ZFHX3: variants seen among roughly 807,000 people sequenced by gnomAD.
ZFHX3 encodes the protein zinc finger homeobox protein 3.
A neutral mutation model predicts 279.1 loss-of-function variants in ZFHX3; 42 were observed. The observed-to-expected ratio is 0.15, with a 90% CI of 0.12 to 0.19. The LOEUF is 0.19. ZFHX3 is among the 10% of genes least tolerant of loss of function. The pLI, the probability that ZFHX3 is intolerant of heterozygous loss-of-function variation, is 1.00. For missense variants in ZFHX3, 4,981 were observed against 4,754.0 expected (o/e 1.05, Z -1.40); for synonymous variants, 2,293 against 1,957.8 (o/e 1.17, Z -4.52).
At chr16:73,765,829 T>C (rs1567402916) in intron 1 of ZFHX3, among the ~76,000 whole-genome samples, 1 of 152,214 alleles carries the variant, frequency 6.6e-6, no homozygotes, top group East Asian at 1.9e-4. Flanking sequence ...TGGAGATGTA[T>C]GTTCTGAAAC....
chr16:73,651,639 A>ATCCT (rs1473033919), intron 2 of ZFHX3, among the ~76,000 whole-genome samples: 1 of 143,362 alleles, frequency 7.0e-6, no homozygotes, highest in African/African-American at 2.6e-5. Context: ...GATCGAGACC[A>ATCCT]TCCTGGCTAA....
intron 2 of ZFHX3, among the ~76,000 whole-genome samples, chr16:73,595,033 T>C (rs2052034894): frequency 1.3e-5 from 2 of 152,286 alleles, no homozygotes; most frequent in South Asian, 4.1e-4. Flanking sequence ...CCCTTGAGGA[T>C]GAGTAACATG....
intron 7 of ZFHX3, among the ~76,000 whole-genome samples, chr16:73,128,522 C>G (rs1567395968): frequency 1.3e-5 from 2 of 152,136 alleles, no homozygotes; most frequent in Admixed American, 6.5e-5. Flanking sequence ...CTCCAGAGCA[C>G]TTTTTCTTAA....
rs993367506 is a variant in ZFHX3 at position 73,821,045 on chromosome 16, C to T, written c.-1608+70606G>A. 3.9e-5 allele frequency among the ~76,000 whole-genome samples: 6 copies of T among 152,158 alleles called. 1 individual carries two copies. The highest frequency in any genetic ancestry group is 8.8e-5 in the Non-Finnish European group (6 of 68,036). On this transcript the variant is annotated intron_variant, in intron 1 of 17. Coordinates refer to the ZFHX3 transcript ENST00000641206. ...ACTGAGGTCTAGAGAGCGTGAGTCT[C>T]CTTGCCAAGGCAACACAGTCAGGGG...
intron 1 of ZFHX3, among the ~76,000 whole-genome samples, chr16:73,863,156 A>C (rs2142391853): frequency 6.6e-6 from 1 of 152,266 alleles, no homozygotes; most frequent in African/African-American, 2.4e-5. Context: ...CAGTGAGCGG[A>C]GATCGTGCCA....
rs372026184 is a variant in ZFHX3 at position 72,889,872 on chromosome 16, G to A, written c.3307C>T (p.Leu1103Phe). 1.9e-6 allele frequency: 3 copies of A among 1,614,080 alleles called. No homozygotes were observed. Among genetic ancestry groups the A allele is most frequent in the African/African-American group, 2.7e-5 (2 of 74,952 alleles). Residue 1103 changes from leucine (L) to phenylalanine (F), a missense_variant, in exon 4 of 10, where the codon CTC (leucine) becomes TTC (phenylalanine). By Grantham distance (22) the Leu-to-Phe change is conservative. Transcript: ENST00000268489. ...TTCATGGAGCGCACATGCTGGATGA[G>A]GTTGAGCTTGGCCTTGGTGGAGTAG... ...CNYSTKAKLN[L>F]IQHVRSMKHQ...
At chr16:73,878,601 G>A (rs2030031228) in intron 1 of ZFHX3, among the ~76,000 whole-genome samples, 1 of 151,686 alleles carries the variant, frequency 6.6e-6, no homozygotes, top group African/African-American at 2.4e-5. Flanking sequence ...TTTGATATAG[G>A]GATATTAAAT....
At chr16:73,279,931 A>G (rs1424952696) in intron 4 of ZFHX3, among the ~76,000 whole-genome samples, 3 of 152,232 alleles carry the variant, frequency 2.0e-5, no homozygotes, top group Non-Finnish European at 4.4e-5. Flanking sequence ...TACATAGACT[A>G]ATGGAGCAGA....
chr16:73,802,189 C>T (rs1042509041), intron 1 of ZFHX3, among the ~76,000 whole-genome samples: 1 of 151,898 alleles, frequency 6.6e-6, no homozygotes, highest in Non-Finnish European at 1.5e-5. Context: ...GTTGATTCTT[C>T]ATAAAACCCC....
chr16:73,473,208 G>A (rs761903225), intron 2 of ZFHX3, among the ~76,000 whole-genome samples: 13 of 151,612 alleles, frequency 8.6e-5, no homozygotes, highest in Non-Finnish European at 1.6e-4. Context: ...GTGATGGTGT[G>A]TGTCTGTGGT....
intron 2 of ZFHX3, among the ~76,000 whole-genome samples, chr16:73,518,768 C>G (rs1440774547): frequency 6.6e-6 from 1 of 152,178 alleles, no homozygotes; most frequent in Non-Finnish European, 1.5e-5. Context: ...TGCCGTATTG[C>G]CTGCATTCAT....
intron 2 of ZFHX3, among the ~76,000 whole-genome samples, chr16:73,537,884 A>G (rs192066203): frequency 1.2e-3 from 178 of 152,390 alleles, no homozygotes; most frequent in African/African-American, 4.0e-3. Flanking sequence ...CAAGCCACAA[A>G]GTAGTATCTT....
In ZFHX3 at chr16:73,564,873, T is replaced by C. The variant is rs574320884; in HGVS notation, c.-1546-108615A>G. Among the ~76,000 whole-genome samples, 3 of 152,366 alleles carry C rather than the reference T, an allele frequency of 2.0e-5. No individual in the cohort carries two copies. The East Asian group carries it at 5.8e-4, about 29-fold the overall frequency. Reference sequence around the variant, plus strand: ...CTATGCAATGTATTTAACTTTGAGGTGTCTCTTTGTTCTCTTAGGAAAAAA... The same window carrying C: ...CTATGCAATGTATTTAACTTTGAGGCGTCTCTTTGTTCTCTTAGGAAAAAA... On this transcript the variant is annotated intron_variant, in intron 2 of 17. Coordinates refer to the ZFHX3 transcript ENST00000641206.
chr16:72,799,400 T>C (rs1158319502), intron 8 of ZFHX3, among the ~76,000 whole-genome samples: 3 of 152,144 alleles, frequency 2.0e-5, no homozygotes, highest in Non-Finnish European at 2.9e-5. Flanking sequence ...CATTGTCTAA[T>C]ATGGAAAACT....
chr16:72,883,005 T>C (rs1442704244), intron 4 of ZFHX3, among the ~76,000 whole-genome samples: 3 of 140,302 alleles, frequency 2.1e-5, no homozygotes, highest in South Asian at 2.4e-4. Flanking sequence ...TGTGTGTGTG[T>C]GTGTGTGTGT....
intron 3 of ZFHX3, among the ~76,000 whole-genome samples, chr16:73,319,594 G>A (rs530683392): frequency 2.6e-5 from 4 of 151,804 alleles, no homozygotes; most frequent in Non-Finnish European, 5.9e-5. Flanking sequence ...CCACCAATAC[G>A]TGTGATCATC....
intron 2 of ZFHX3, among the ~76,000 whole-genome samples, chr16:73,528,937 G>C (rs966050915): frequency 1.3e-5 from 2 of 152,190 alleles, no homozygotes; most frequent in African/African-American, 4.8e-5. Flanking sequence ...CTTCTGAATT[G>C]AGAACAGCCT....
chr16:73,747,120 G>C (rs1428635883), intron 1 of ZFHX3, among the ~76,000 whole-genome samples: 1 of 152,148 alleles, frequency 6.6e-6, no homozygotes, highest in East Asian at 1.9e-4. Context: ...TGAGTGCAAG[G>C]GCTCACACTT....
At chr16:72,861,478 G>T (rs1355788546) in intron 4 of ZFHX3, among the ~76,000 whole-genome samples, 1 of 152,072 alleles carries the variant, frequency 6.6e-6, no homozygotes, top group Non-Finnish European at 1.5e-5. Context: ...CCATCCACGT[G>T]CACATTTCAT....
Sources: allele counts gnomAD v4.1 joint callset (sites outside exome capture counted in the v4.1 genomes callset), GRCh38; gene constraint gnomAD v4.1.1; transcripts MANE v1.5; gene names NCBI Gene and HGNC (gene_info 2026-07-23, HGNC 2026-07-21).